NECTIN3: variants seen among roughly 807,000 people sequenced by gnomAD.
The protein encoded by NECTIN3 is nectin cell adhesion molecule 3, also known as nectin-3.
A neutral mutation model predicts 49.4 loss-of-function variants in NECTIN3; 8 were observed. The observed-to-expected ratio is 0.16, with a 90% CI of 0.10 to 0.29. NECTIN3 has a LOEUF of 0.29. NECTIN3 is among the 10% of genes least tolerant of loss of function. The pLI, the probability that NECTIN3 is intolerant of heterozygous loss-of-function variation, is 1.00. For missense variants in NECTIN3, 581 were observed against 654.6 expected, an observed-to-expected ratio of 0.89 and a Z score of 1.23; for synonymous variants, 277 against 241.1, an observed-to-expected ratio of 1.15 and a Z score of -1.38.
intron 1 of NECTIN3, among the ~76,000 whole-genome samples, chr3:111,100,924 C>T (rs1214000468): frequency 1.3e-5 from 2 of 151,984 alleles, no homozygotes; most frequent in African/African-American, 2.4e-5. Flanking sequence ...AGATTTTGAA[C>T]GTCCTGACTA....
At chr3:111,193,215 A>T in intron 1 of NECTIN3, 1 of 1,535,302 alleles carries the variant, frequency 6.5e-7, no homozygotes, top group Non-Finnish European at 8.7e-7. Flanking sequence ...ACTAAATAGC[A>T]GGAGTTTTGA....
chr3:111,146,933 A>G (rs1439773023), intron 6 of NECTIN3, among the ~76,000 whole-genome samples: 1 of 152,146 alleles, frequency 6.6e-6, no homozygotes, highest in Admixed American at 6.5e-5. Context: ...AAGATTTATA[A>G]TGGTCTGTAC....
intron 1 of NECTIN3, 146 bp downstream of exon 1, chr3:111,072,323 C>T (rs909783332): frequency 7.0e-7 from 1 of 1,432,298 alleles, no homozygotes; most frequent in Admixed American, 2.9e-5. Flanking sequence ...GGAAACTTTT[C>T]GCCGCGCCCG....
chr3:111,110,135 G>C (rs2033391380), intron 1 of NECTIN3, among the ~76,000 whole-genome samples: 2 of 151,836 alleles, frequency 1.3e-5, no homozygotes, highest in African/African-American at 4.8e-5. Context: ...GCAGGTAATA[G>C]ATTTTTCAAA....
At chr3:111,153,291 G>C (rs901234788) in intron 7 of NECTIN3, among the ~76,000 whole-genome samples, 1 of 151,850 alleles carries the variant, frequency 6.6e-6, no homozygotes, top group Admixed American at 6.6e-5. Flanking sequence ...ACAAAGCTTG[G>C]ATAAAATAAT....
At chr3:111,119,544 A>G (rs2033854724) in intron 3 of NECTIN3, among the ~76,000 whole-genome samples, 2 of 152,100 alleles carry the variant, frequency 1.3e-5, no homozygotes, top group African/African-American at 4.8e-5. Context: ...GTTGGCCAGG[A>G]TGGTCTCCAT....
intron 5 of NECTIN3, among the ~76,000 whole-genome samples, chr3:111,132,971 T>G (rs542811982): frequency 2.0e-4 from 30 of 151,960 alleles, no homozygotes; most frequent in African/African-American, 6.5e-4. Context: ...TTTATTTTTT[T>G]AAATTACTAA....
At chr3:111,189,475 A>T (rs577171638), upstream of NECTIN3, among the ~76,000 whole-genome samples, 1 of 152,278 alleles carries the variant, frequency 6.6e-6, no homozygotes, top group South Asian at 2.1e-4. Flanking sequence ...AAAAAAATGG[A>T]TTAACTCTTC....
At chr3:111,075,411 G>T (rs1547518) in intron 1 of NECTIN3, among the ~76,000 whole-genome samples, 107,270 of 151,886 alleles carry the variant, frequency 0.71, 43,600 homozygotes, top group Non-Finnish European at 0.93. Context: ...TTGGAAACTT[G>T]AAGTTTCTCT....
chr3:111,176,623 G>A (rs2035533428), intron 7 of NECTIN3, among the ~76,000 whole-genome samples: 1 of 151,470 alleles, frequency 6.6e-6, no homozygotes, highest in South Asian at 2.1e-4. Flanking sequence ...ACCATTATTA[G>A]GTTATTTTCC....
chr3:111,166,194 A>G lies in NECTIN3; in HGVS notation c.1221+18710A>G, dbSNP rs148161821. Among the ~76,000 whole-genome samples, 3 of 152,326 alleles carry G rather than the reference A, an allele frequency of 2.0e-5. No individual in the cohort carries two copies. The East Asian group carries it at 5.8e-4, about 29-fold the overall frequency. On this transcript the variant is annotated intron_variant, in intron 7 of 8. Transcript: ENST00000493615. The stretch of plus-strand genomic sequence containing the variant: ...AGAATGGGCAAAGGAAGGCTGGAGA[A>G]TTGACCCCCAGCAATTAAATACTTG...
intron 2 of NECTIN3, among the ~76,000 whole-genome samples, chr3:111,117,421 A>C (rs2033733561): frequency 6.6e-6 from 1 of 152,028 alleles, no homozygotes; most frequent in Non-Finnish European, 1.5e-5. Context: ...AATATGAGGG[A>C]CTTGTGAGGT....
At chr3:111,179,662 A>C (rs1220288425) in intron 7 of NECTIN3, among the ~76,000 whole-genome samples, 1 of 152,146 alleles carries the variant, frequency 6.6e-6, no homozygotes, top group African/African-American at 2.4e-5. Context: ...TGGGAGGCCG[A>C]GATGGGCAGA....
At position 111,076,796 on chromosome 3, in the gene NECTIN3, G is replaced by A. The variant is rs190498145; in HGVS notation, c.160+4619G>A. On this transcript the variant is annotated intron_variant, in intron 1 of 5. Coordinates refer to ENST00000485303, the MANE Select transcript of NECTIN3 (RefSeq NM_015480.3). ...TTGAGTCCAGCCTGGCCAATATGGC[G>A]AAACCCCGTCTTTACCAAAAATACA... 2.7e-4 allele frequency among the ~76,000 whole-genome samples: 41 copies of A among 151,958 alleles called. No individual in the cohort carries two copies. In the East Asian group the frequency reaches 7.5e-3, roughly 28 times the overall value.
chr3:111,186,371 A>G (rs1314081218), intron 7 of NECTIN3, among the ~76,000 whole-genome samples: 1 of 152,174 alleles, frequency 6.6e-6, no homozygotes, highest in Non-Finnish European at 1.5e-5. Flanking sequence ...TAATAGACCA[A>G]TACGACAGAA....
Position 111,174,448 on chromosome 3 carries a change from GAGGTGCTTTATAAATATATGGA to G in NECTIN3, c.1222-17901_1222-17880del, listed in dbSNP as rs562673815. On this transcript the variant is annotated intron_variant, in intron 7 of 8. Coordinates refer to the NECTIN3 transcript ENST00000493615. ...TGGGGTTCTGTACCATATCCTGCAG[GAGGTGCTTTATAAATATATGGA>G]ATATGTACCTATCACTTTTCTAAAA... Among the ~76,000 whole-genome samples, 15 of 152,236 alleles carry G rather than the reference GAGGTGCTTTATAAATATATGGA, an allele frequency of 9.9e-5. No individual in the cohort carries two copies. The East Asian group carries it at 2.5e-3, about 25-fold the overall frequency.
chr3:111,108,135 A>G (rs2033267466), intron 1 of NECTIN3, among the ~76,000 whole-genome samples: 1 of 152,186 alleles, frequency 6.6e-6, no homozygotes, highest in Non-Finnish European at 1.5e-5. Context: ...CTAGAAATTA[A>G]AATAAAAGAT....
intron 6 of NECTIN3, among the ~76,000 whole-genome samples, chr3:111,145,827 A>G (rs984378521): frequency 2.0e-5 from 3 of 152,214 alleles, no homozygotes; most frequent in Admixed American, 1.3e-4. Flanking sequence ...TTCAAAGAAT[A>G]TAGTTCTGTC....
chr3:111,139,520 C>A (rs2034687230), downstream of NECTIN3, among the ~76,000 whole-genome samples: 1 of 151,772 alleles, frequency 6.6e-6, no homozygotes, highest in Admixed American at 6.6e-5. Context: ...GATTACATCA[C>A]ACATAAGTGG....
Sources: gnomAD v4.1 joint callset for allele counts (sites outside exome capture counted in the v4.1 genomes callset) on GRCh38, gnomAD v4.1.1 for gene constraint, MANE v1.5 for transcripts, NCBI Gene and HGNC (gene_info 2026-07-23, HGNC 2026-07-21) for gene names.